MED27: variants seen among roughly 807,000 people sequenced by gnomAD.
MED27 encodes the protein mediator complex subunit 27, also known as mediator of RNA polymerase II transcription subunit 27.
MED27 carries 30 observed loss-of-function variants against 38.2 expected under a neutral mutation model. The ratio of observed to expected loss-of-function variants is 0.79; its 90% CI spans 0.59 to 1.07. The LOEUF is 1.07. Among genes scored for constraint, MED27 ranks in the 50% least tolerant of loss-of-function variants. The probability of loss-of-function intolerance (pLI) is 0.00; values close to 1 mark genes in which losing one functional copy is unlikely to be tolerated. For missense variants in MED27, 289 were observed against 397.5 expected (o/e 0.73, Z 2.32); for synonymous variants, 122 against 153.5 (o/e 0.79, Z 1.52).
intron 2 of MED27, among the ~76,000 whole-genome samples, chr9:132,036,224 G>A (rs1302578803): frequency 2.0e-5 from 3 of 151,962 alleles, no homozygotes; most frequent in African/African-American, 7.2e-5. Context: ...TGTTTTTATA[G>A]TCAGGGTCTC....
chr9:132,076,914 T>C (rs989523996), intron 2 of MED27, among the ~76,000 whole-genome samples: 1 of 152,172 alleles, frequency 6.6e-6, no homozygotes, highest in Non-Finnish European at 1.5e-5. Flanking sequence ...AATATCAAAC[T>C]CTACAGAGCA....
intron 3 of MED27, among the ~76,000 whole-genome samples, chr9:131,947,455 C>T (rs938064130): frequency 3.3e-5 from 5 of 152,154 alleles, no homozygotes; most frequent in African/African-American, 1.2e-4. Context: ...CTAATTAATT[C>T]TGCAAAACAT....
rs542752246 is a variant in MED27 at position 131,980,324 on chromosome 9, C to T, written c.479+34013G>A. ...GTTCATTAAAAATCAAATGCTGGAC[C>T]AGGCAAAATTTTTCCTCACATTCAG... is the stretch of plus-strand genomic sequence containing the variant. On this transcript the variant is annotated intron_variant, in intron 3 of 7. Transcript: ENST00000292035. 2.1e-3 allele frequency among the ~76,000 whole-genome samples: 327 copies of T among 152,224 alleles called. 1 individual carries two copies. The highest frequency in any genetic ancestry group is 3.6e-3 in the Admixed American group (55 of 15,292).
At chr9:131,874,450 G>A (rs1018426047) in intron 6 of MED27, among the ~76,000 whole-genome samples, 1 of 152,156 alleles carries the variant, frequency 6.6e-6, no homozygotes, top group Non-Finnish European at 1.5e-5. Flanking sequence ...CACTGGGTAC[G>A]GCTCACCTTG....
intron 3 of MED27, among the ~76,000 whole-genome samples, chr9:131,996,990 G>A (rs1832105652): frequency 6.6e-6 from 1 of 152,102 alleles, no homozygotes; most frequent in Non-Finnish European, 1.5e-5. Flanking sequence ...AAGCTTTTGG[G>A]GAGTCAAAAG....
chr9:131,929,004 C>T (rs1419355291), intron 4 of MED27, among the ~76,000 whole-genome samples: 1 of 152,232 alleles, frequency 6.6e-6, no homozygotes, highest in Non-Finnish European at 1.5e-5. Flanking sequence ...GTAAAGAGGA[C>T]TTCGTCTTGC....
intron 3 of MED27, among the ~76,000 whole-genome samples, chr9:131,959,151 T>C (rs1460575966): frequency 6.6e-6 from 1 of 152,250 alleles, no homozygotes; most frequent in East Asian, 1.9e-4. Context: ...GGCGTCCAAC[T>C]GCCTTGGTCC....
chr9:131,936,300 C>T (rs904082395), intron 4 of MED27, among the ~76,000 whole-genome samples: 9 of 152,134 alleles, frequency 5.9e-5, no homozygotes, highest in East Asian at 3.8e-4. Flanking sequence ...CCCGCAGCCA[C>T]GGGAAACAAC....
At chr9:131,969,184 C>T (rs953972509) in intron 3 of MED27, among the ~76,000 whole-genome samples, 8 of 138,810 alleles carry the variant, frequency 5.8e-5, no homozygotes, top group African/African-American at 1.8e-4. Context: ...TCCTGCCCCC[C>T]ACACCTTCTG....
At chr9:131,901,248 A>G (rs575198827) in intron 4 of MED27, among the ~76,000 whole-genome samples, 18 of 152,366 alleles carry the variant, frequency 1.2e-4, no homozygotes, top group African/African-American at 4.3e-4. Context: ...AGGCTAAGGT[A>G]AGTGAGTGCA....
intron 2 of MED27, among the ~76,000 whole-genome samples, chr9:132,017,213 T>G (rs1832623221): frequency 6.6e-6 from 1 of 152,318 alleles, no homozygotes; most frequent in African/African-American, 2.4e-5. Context: ...ATACATTATT[T>G]AAGCACCAAA....
intron 4 of MED27, among the ~76,000 whole-genome samples, chr9:131,936,038 T>C (rs1365610245): frequency 1.4e-5 from 2 of 146,700 alleles, no homozygotes; most frequent in Non-Finnish European, 3.0e-5. Context: ...GAGGCTGAGG[T>C]GGGAGGATTG....
rs149518589 is a variant in MED27 at position 132,068,295 on chromosome 9, C to T, written c.348+9147G>A. On this transcript the variant is annotated intron_variant, in intron 2 of 7. Coordinates refer to ENST00000292035, the MANE Select transcript of MED27 (RefSeq NM_004269.4). ...ATGAGGAAACTGAGGCTAGGTAAGC[C>T]GGCCAAAGGACTCGGGCTCCCGTGT... Among the ~76,000 whole-genome samples, 284 of 152,216 alleles carry T rather than the reference C, an allele frequency of 1.9e-3. 2 individuals are homozygous for T. Among genetic ancestry groups the T allele is most frequent in the African/African-American group, 6.3e-3 (260 of 41,526 alleles).
intron 3 of MED27, among the ~76,000 whole-genome samples, chr9:131,950,417 G>A (rs549952794): frequency 6.6e-6 from 1 of 152,330 alleles, no homozygotes; most frequent in East Asian, 1.9e-4. Flanking sequence ...CCCAGGAAGG[G>A]CTGAGGACTG....
intron 2 of MED27, among the ~76,000 whole-genome samples, chr9:132,035,446 A>T (rs1474005416): frequency 6.6e-6 from 1 of 152,190 alleles, no homozygotes. Flanking sequence ...TACAACATGC[A>T]GGATGTTCAG....
chr9:131,912,436 G>A (rs553761851), intron 4 of MED27, among the ~76,000 whole-genome samples: 2 of 152,158 alleles, frequency 1.3e-5, no homozygotes, highest in African/African-American at 4.8e-5. Context: ...CCAGGCACTG[G>A]TAGCCTGGAT....
rs570406990 is a variant in MED27 at position 131,872,351 on chromosome 9, G to C, written c.724-9211C>G. Among the ~76,000 whole-genome samples, 1 of 152,372 alleles carries C rather than the reference G, an allele frequency of 6.6e-6. No individual in the cohort carries two copies. Among genetic ancestry groups the C allele is most frequent in the South Asian group, 2.1e-4 (1 of 4,828 alleles). ...GCACACAGCCCCCGAGGCCAAGCTA[G>C]AAGAGCGGGCGCCTCTACTATTCGG... On this transcript the variant is annotated intron_variant, in intron 6 of 7. Coordinates refer to ENST00000292035, the MANE Select transcript of MED27 (RefSeq NM_004269.4). This position sits in a 1 kb window ranked among gnomAD's most constrained non-coding sequence, Gnocchi z 5.6.
At chr9:132,029,356 A>G (rs1403865446) in intron 2 of MED27, among the ~76,000 whole-genome samples, 1 of 152,252 alleles carries the variant, frequency 6.6e-6, no homozygotes, top group Non-Finnish European at 1.5e-5. Flanking sequence ...ACTTTTTAAA[A>G]CTAAGAGTAA....
intron 2 of MED27, among the ~76,000 whole-genome samples, chr9:132,076,229 A>G (rs1834044095): frequency 6.6e-6 from 1 of 151,968 alleles, no homozygotes; most frequent in African/African-American, 2.4e-5. Flanking sequence ...TAACTCCCTG[A>G]ACATTTTAGT....
Sources: allele counts gnomAD v4.1 joint callset (sites outside exome capture counted in the v4.1 genomes callset), GRCh38; gene constraint gnomAD v4.1.1; non-coding constraint Gnocchi (gnomAD v3.1); transcripts MANE v1.5; gene names NCBI Gene and HGNC (gene_info 2026-07-23, HGNC 2026-07-21).